Variants in EBF4 observed in about 807,000 individuals in gnomAD.
EBF4 encodes the protein EBF transcription factor 4.
EBF4 carries 34 observed loss-of-function variants against 67.1 expected under a neutral mutation model. That is an observed-to-expected ratio of 0.51 (90% CI 0.39 to 0.67). The LOEUF is 0.67. Among genes scored for constraint, EBF4 ranks in the 30% least tolerant of loss-of-function variants. The pLI is 0.00. For synonymous variants in EBF4, 387 were observed against 377.7 expected, an observed-to-expected ratio of 1.02 and a Z score of -0.29; for missense variants, 837 against 873.3, an observed-to-expected ratio of 0.96 and a Z score of 0.52.
chr20:2,753,480 GC>G (rs1204127795), intron 14 of EBF4, among the ~76,000 whole-genome samples: 1 of 152,184 alleles, frequency 6.6e-6, no homozygotes, highest in East Asian at 1.9e-4. Flanking sequence ...TTTATAAAGC[GC>G]CCACTGTATG....
intron 6 of EBF4, among the ~76,000 whole-genome samples, chr20:2,730,303 G>C (rs1470296776): frequency 6.6e-6 from 1 of 152,110 alleles, no homozygotes; most frequent in African/African-American, 2.4e-5. Context: ...TCTGGATTCT[G>C]TTGGCAGTCC....
chr20:2,708,151 G>T, intron 5 of EBF4, 131 bp downstream of exon 5: 1 of 964,330 alleles, frequency 1.0e-6, no homozygotes, highest in Middle Eastern at 2.2e-4. Flanking sequence ...AAGCCTGGTG[G>T]CAGGTGATGA....
At chr20:2,729,333 A>G (rs1026776466) in intron 6 of EBF4, among the ~76,000 whole-genome samples, 3 of 152,156 alleles carry the variant, frequency 2.0e-5, no homozygotes, top group East Asian at 3.8e-4. Context: ...CAGCTCTGAA[A>G]CAGCATCCGG....
chr20:2,752,163 C>G, exon 13 of EBF4: 3 of 1,446,008 alleles, frequency 2.1e-6, no homozygotes, highest in Non-Finnish European at 2.7e-6. Context: ...CGCTCGCACC[C>G]CTGGCCCCGA....
chr20:2,697,347 C>T (rs1340283328), intron 1 of EBF4, among the ~76,000 whole-genome samples: 1 of 152,010 alleles, frequency 6.6e-6, no homozygotes, highest in Non-Finnish European at 1.5e-5. Context: ...AGATCGAGAC[C>T]ATCCTGGCTA....
intron 6 of EBF4, among the ~76,000 whole-genome samples, chr20:2,737,017 A>G (rs1306825432): frequency 1.3e-5 from 2 of 152,056 alleles, no homozygotes; most frequent in Admixed American, 1.3e-4. Context: ...TGGGAGGCCA[A>G]GGTGGGCAGA....
At chr20:2,738,483 G>T (rs148124170) in intron 6 of EBF4, among the ~76,000 whole-genome samples, 1 of 152,274 alleles carries the variant, frequency 6.6e-6, no homozygotes, top group East Asian at 1.9e-4. Context: ...ACTTGTGTGG[G>T]TGCATGTGTA....
Position 2,707,549 on chromosome 20 carries a change from G to A in EBF4, c.415-398G>A, listed in dbSNP as rs147616700. The stretch of plus-strand genomic sequence containing the variant: ...CACTCATCAACAGAAGCAGAGGTCC[G>A]TCAGGACATGGAGGATGCACACAGG... On this transcript the variant is annotated intron_variant, in intron 4 of 16. Coordinates refer to ENST00000609451, the Ensembl canonical transcript of EBF4. This position sits in a 1 kb window ranked among gnomAD's most constrained non-coding sequence, Gnocchi z 4.6. Among the ~76,000 whole-genome samples the A allele has an allele frequency of 7.5e-4, 114 of 152,178 alleles. 1 individual carries two copies. The East Asian group carries it at 0.011, about 15-fold the overall frequency.
intron 6 of EBF4, among the ~76,000 whole-genome samples, chr20:2,735,578 C>G (rs1220652744): frequency 6.6e-6 from 1 of 152,154 alleles, no homozygotes; most frequent in African/African-American, 2.4e-5. Context: ...TAGCAATTCC[C>G]AAAGTCCTGT....
In EBF4 at chr20:2,696,968, A is replaced by G. The variant is rs1017461920; in HGVS notation, c.137+3186A>G. Among the ~76,000 whole-genome samples the G allele has an allele frequency of 6.6e-6, 1 of 152,088 alleles. No individual in the cohort carries two copies. Among genetic ancestry groups the G allele is most frequent in the Non-Finnish European group, 1.5e-5 (1 of 68,012 alleles). Reference sequence around the variant, plus strand: ...CACCCAGGGCAGGCTCAGGCAGTCCATGGGGGATGGGGGTGATGACTGTCT... The same window carrying G: ...CACCCAGGGCAGGCTCAGGCAGTCCGTGGGGGATGGGGGTGATGACTGTCT... On this transcript the variant is annotated intron_variant, in intron 1 of 16. Transcript: ENST00000609451. This position sits in a 1 kb window ranked among gnomAD's most constrained non-coding sequence, Gnocchi z 4.7.
chr20:2,751,894 G>A lies in EBF4; in HGVS notation c.1108-28G>A, dbSNP rs529801214. ...GGTCGCCCCCAGGGGCTGCCCCTCC[G>A]TCCCGCTGTCTCTCCCCCTGTCCCC... is the stretch of plus-strand genomic sequence containing the variant. On this transcript the variant is annotated intron_variant, in intron 11 of 16. Coordinates refer to ENST00000609451, the Ensembl canonical transcript of EBF4. This position sits in a 1 kb window ranked among gnomAD's most constrained non-coding sequence, Gnocchi z 5.2. 3.2e-6 allele frequency: 5 copies of A among 1,549,160 alleles called. No individual in the cohort carries two copies. The highest frequency in any genetic ancestry group is 1.4e-5 in the African/African-American group (1 of 73,128).
At chr20:2,713,012 G>A (rs2087563472) in intron 6 of EBF4, among the ~76,000 whole-genome samples, 2 of 152,190 alleles carry the variant, frequency 1.3e-5, no homozygotes, top group African/African-American at 4.8e-5. Context: ...AGAACAGGAG[G>A]AGAGAGATTG....
At chr20:2,705,327 CT>C (rs1004510488) in intron 1 of EBF4, among the ~76,000 whole-genome samples, 3 of 152,218 alleles carry the variant, frequency 2.0e-5, no homozygotes, top group African/African-American at 7.2e-5. Flanking sequence ...GGGCCTCCTC[CT>C]TTGCAGTCAC....
rs567101809 is a variant in EBF4, at chr20:2,709,781, G to A, written c.557+139G>A. The A allele has an allele frequency of 8.6e-5, 74 of 862,282 alleles. No homozygotes were observed. The South Asian group carries it at 2.5e-3, about 29-fold the overall frequency. The allele number at this position is 862,282 out of a possible 1,614,324, so 53.4% of individuals were successfully genotyped here. On this transcript the variant is annotated intron_variant, in intron 6 of 16. Coordinates refer to ENST00000609451, the Ensembl canonical transcript of EBF4. ...ACCAGGTTGGGTGGCTCTGAGCAGA[G>A]AGGGAAACTGCCAGGCACCAGGGAG... is the stretch of plus-strand genomic sequence containing the variant.
At chr20:2,692,967 C>G (rs1269982984), upstream of EBF4, 1 of 141,886 alleles carries the variant, frequency 7.0e-6, no homozygotes, top group Non-Finnish European at 1.5e-5. The surrounding 1 kb of genome is among the most constrained non-coding windows in gnomAD (Gnocchi z 6.4). Context: ...CCGCCCGGGG[C>G]TACGGCAGGG....
At chr20:2,737,847 C>T (rs2002697) in intron 6 of EBF4, among the ~76,000 whole-genome samples, 48,185 of 150,634 alleles carry the variant, frequency 0.32, 8,110 homozygotes, top group Admixed American at 0.45. Flanking sequence ...CACCTGTAGT[C>T]CCAGCTACTC....
rs1163812663 is a variant in EBF4 at position 2,739,683 on chromosome 20, A to C, written c.558-8866A>C. Among the ~76,000 whole-genome samples the C allele has an allele frequency of 6.6e-6, 1 of 152,230 alleles. No homozygotes were observed. Among genetic ancestry groups the C allele is most frequent in the Non-Finnish European group, 1.5e-5 (1 of 68,046 alleles). The stretch of plus-strand genomic sequence containing the variant: ...CCCTGAGCTGAGGGTAGAGAGAAGC[A>C]GACAGTGAACACGCTGGAGAGCCAG... On this transcript the variant is annotated intron_variant, in intron 6 of 16. Transcript: ENST00000609451. This position sits in a 1 kb window ranked among gnomAD's most constrained non-coding sequence, Gnocchi z 4.5.
At position 2,693,929 on chromosome 20, in the gene EBF4, G is replaced by C; in HGVS notation, c.137+147G>C. On this transcript the variant is annotated intron_variant, in intron 1 of 16. Transcript: ENST00000609451. This position sits in a 1 kb window ranked among gnomAD's most constrained non-coding sequence, Gnocchi z 4.6. Reference sequence around the variant, plus strand: ...AGCTCCCCGGCCCACCCCGTCCGGAGTGCCTGTGCTGCCTCCTGAGGCTGT... The same window carrying C: ...AGCTCCCCGGCCCACCCCGTCCGGACTGCCTGTGCTGCCTCCTGAGGCTGT... 2.7e-6 allele frequency: 3 copies of C among 1,109,676 alleles called. No individual in the cohort carries two copies. The highest frequency in any genetic ancestry group is 3.4e-6 in the Non-Finnish European group (3 of 874,402). The allele number at this position is 1,109,676 out of a possible 1,614,324, so 68.7% of individuals were successfully genotyped here.
chr20:2,715,540 C>T (rs891347460), intron 6 of EBF4, among the ~76,000 whole-genome samples: 2 of 152,096 alleles, frequency 1.3e-5, no homozygotes, highest in Non-Finnish European at 2.9e-5. Flanking sequence ...AAGTTGATGT[C>T]AACTGTTTTC....
Sources: gnomAD v4.1 joint callset for allele counts (sites outside exome capture counted in the v4.1 genomes callset) on GRCh38, gnomAD v4.1.1 for gene constraint, Gnocchi (gnomAD v3.1) non-coding constraint, MANE v1.5 for transcripts, NCBI Gene and HGNC (gene_info 2026-07-23, HGNC 2026-07-21) for gene names.